BTBD8: variants seen among roughly 807,000 people sequenced by gnomAD.
BTBD8 encodes the protein BTB domain containing 8.
A neutral mutation model predicts 162.9 loss-of-function variants in BTBD8; 110 were observed. The ratio of observed to expected loss-of-function variants is 0.68; its 90% CI spans 0.58 to 0.79. The LOEUF (loss-of-function observed/expected upper bound fraction) is 0.79, where lower values mean the gene tolerates loss of function less well. Ranked by LOEUF, BTBD8 falls within the 30% of genes least tolerant of loss-of-function variation. The pLI is 0.00. For missense variants in BTBD8, 1,905 were observed against 2,085.4 expected, an observed-to-expected ratio of 0.91 and a Z score of 1.68; for synonymous variants, 667 against 716.1, an observed-to-expected ratio of 0.93 and a Z score of 1.10.
chr1:92,176,432 G>A (rs1222597419), intron 13 of BTBD8, among the ~76,000 whole-genome samples: 2 of 152,222 alleles, frequency 1.3e-5, no homozygotes, highest in Non-Finnish European at 2.9e-5. Context: ...GATTAAGTGG[G>A]ATGATGTATA....
At chr1:92,083,947 G>T (rs1648088798) in intron 1 of BTBD8, among the ~76,000 whole-genome samples, 2 of 152,168 alleles carry the variant, frequency 1.3e-5, no homozygotes, top group Non-Finnish European at 2.9e-5. Context: ...TTGCCTGAAA[G>T]GGAGGTGTAT....
intron 9 of BTBD8, among the ~76,000 whole-genome samples, chr1:92,153,255 C>A (rs1341496236): frequency 6.6e-6 from 1 of 152,042 alleles, no homozygotes; most frequent in African/African-American, 2.4e-5. Flanking sequence ...ATGACCATTT[C>A]TTCTTAATGT....
chr1:92,176,003 C>T (rs1266350942), intron 13 of BTBD8, among the ~76,000 whole-genome samples: 2 of 152,008 alleles, frequency 1.3e-5, no homozygotes, highest in African/African-American at 2.4e-5. Context: ...GATCCCTTTT[C>T]CTTCGCTTCC....
At chr1:92,160,016 A>T (rs1410426879) in intron 9 of BTBD8, among the ~76,000 whole-genome samples, 1 of 152,166 alleles carries the variant, frequency 6.6e-6, no homozygotes, top group South Asian at 2.1e-4. Context: ...TTGGAACTTT[A>T]GTAATGTGTA....
intron 4 of BTBD8, among the ~76,000 whole-genome samples, chr1:92,121,553 TC>T (rs1203270653): frequency 6.6e-6 from 1 of 152,222 alleles, no homozygotes; most frequent in Non-Finnish European, 1.5e-5. Context: ...TTGTTTTCAT[TC>T]TTTTTTTATA....
rs1332493022 is a variant in BTBD8 at position 92,168,881 on chromosome 1, A to AT, written c.1460dup (p.Gln488ProfsTer5). 1 of 1,532,692 alleles carries AT rather than the reference A, an allele frequency of 6.5e-7. No individual in the cohort carries two copies. Among genetic ancestry groups the AT allele is most frequent in the Non-Finnish European group, 8.8e-7 (1 of 1,132,730 alleles). The allele number at this position is 1,532,692 out of a possible 1,614,324, so 94.9% of individuals were successfully genotyped here. A position where few individuals can be genotyped will look rare whatever the true frequency, so the allele number is the denominator to read the frequency against. On this transcript the variant is annotated frameshift_variant, in exon 12 of 18. Coordinates refer to ENST00000636805, the MANE Select transcript of BTBD8 (RefSeq NM_001376131.1). LOFTEE classifies it high-confidence loss of function. The stretch of plus-strand genomic sequence containing the variant: ...TTGAACACAGGGTTTTACGTGCAAG[A>AT]TCCAGGCTCTGCGTGATAAGCTGTG...
In BTBD8 at chr1:92,140,253, C is replaced by G. The variant is rs905382872; in HGVS notation, c.833+823C>G. 3.9e-4 allele frequency among the ~76,000 whole-genome samples: 30 copies of G among 76,152 alleles called. 1 individual carries two copies. The East Asian group carries it at 0.024, about 61-fold the overall frequency. 50.0% of individuals were successfully genotyped at this position (76,152 alleles called of 152,430 possible). ...CCTGGGACTGTAGCGAGACCCGGTT[C>G]TTGGGGGAAAAAAAAACCAAAAAGA... On this transcript the variant is annotated intron_variant, in intron 6 of 17. Coordinates refer to ENST00000636805, the MANE Select transcript of BTBD8 (RefSeq NM_001376131.1).
chr1:92,107,726 T>A lies in BTBD8; in HGVS notation c.545-158T>A, dbSNP rs1648770949. Among the ~76,000 whole-genome samples the A allele has an allele frequency of 2.6e-5, 4 of 152,350 alleles. No homozygotes were observed. The South Asian group carries it at 8.3e-4, about 32-fold the overall frequency. On this transcript the variant is annotated intron_variant, in intron 3 of 17. Coordinates refer to ENST00000636805, the MANE Select transcript of BTBD8 (RefSeq NM_001376131.1). The stretch of plus-strand genomic sequence containing the variant: ...TATATATATTTCAAAGGAGAAAGTC[T>A]AGATGATTTAAACTTTTTGTTTTAT...
chr1:92,153,650 T>C (rs1650095698), intron 9 of BTBD8, among the ~76,000 whole-genome samples: 1 of 152,236 alleles, frequency 6.6e-6, no homozygotes, highest in Admixed American at 6.5e-5. Context: ...GATAATGTCC[T>C]CAACATTCAT....
intron 4 of BTBD8, among the ~76,000 whole-genome samples, chr1:92,122,710 G>A (rs369443184): frequency 6.6e-6 from 1 of 151,798 alleles, no homozygotes; most frequent in Admixed American, 6.6e-5. Context: ...GGTTACAGGC[G>A]TGTGCCACCA....
In BTBD8 at chr1:92,181,052, T is replaced by C. The variant is rs1415021100; in HGVS notation, c.3369T>C (p.Asp1123=). The C allele has an allele frequency of 2.6e-6, 4 of 1,551,660 alleles. No homozygotes were observed. The highest frequency in any genetic ancestry group is 2.0e-5 in the Admixed American group (1 of 50,988). Residue 1123 remains aspartate, a synonymous_variant, in exon 17 of 18, where the codon GAT becomes GAC. Coordinates refer to ENST00000636805, the MANE Select transcript of BTBD8 (RefSeq NM_001376131.1). ...CAGGGCAAATCCATTTGATATCAGA[T>C]AGGGAGAACCAAGTAGGGAGAAAAG... is the stretch of plus-strand genomic sequence containing the variant. ...TSAGQIHLIS[D]RENQVGRKDT...
intron 13 of BTBD8, among the ~76,000 whole-genome samples, chr1:92,176,588 A>C (rs1053371398): frequency 6.6e-6 from 1 of 152,164 alleles, no homozygotes; most frequent in African/African-American, 2.4e-5. Context: ...TTATTTATTT[A>C]CTTTAATAGA....
chr1:92,126,439 G>A, intron 4 of BTBD8: 1 of 914,440 alleles, frequency 1.1e-6, no homozygotes, highest in Non-Finnish European at 1.7e-6. Flanking sequence ...ACATCCAGCA[G>A]TACAACAGTT....
At chr1:92,085,241 G>A (rs183150110) in intron 1 of BTBD8, among the ~76,000 whole-genome samples, 10 of 152,194 alleles carry the variant, frequency 6.6e-5, no homozygotes, top group Admixed American at 5.9e-4. Context: ...AGTGTAAATT[G>A]CTTTAGATAA....
chr1:92,151,690 A>G (rs1159394439), intron 9 of BTBD8, among the ~76,000 whole-genome samples: 1 of 152,074 alleles, frequency 6.6e-6, no homozygotes, highest in Non-Finnish European at 1.5e-5. Flanking sequence ...TATCCTTCAC[A>G]CATTTTCCAA....
Position 92,181,787 on chromosome 1 carries a change from T to G in BTBD8, c.4104T>G (p.Ser1368Arg). 6.4e-7 allele frequency: 1 copy of G among 1,551,236 alleles called. No individual in the cohort carries two copies. The highest frequency in any genetic ancestry group is 8.7e-7 in the Non-Finnish European group (1 of 1,146,932). The change falls in exon 17 of 18, where the codon AGT becomes AGG. Residue 1368 changes from serine (S) to arginine (R), a missense_variant. Coordinates refer to ENST00000636805, the MANE Select transcript of BTBD8 (RefSeq NM_001376131.1). ...AAAGAGAAAATATTCCACGAGGCAG[T>G]GTCCAGTTTGCTCAGGAAATAGATC... The part of the protein sequence containing the change: ...SRERENIPRG[S>R]VQFAQEIDQV...
chr1:92,098,218 A>G (rs1324364555), intron 2 of BTBD8, among the ~76,000 whole-genome samples: 2 of 152,192 alleles, frequency 1.3e-5, no homozygotes, highest in African/African-American at 4.8e-5. Context: ...GATATCAGCC[A>G]AGGGCCAAGT....
intron 9 of BTBD8, among the ~76,000 whole-genome samples, chr1:92,157,235 C>G (rs1193320225): frequency 6.6e-6 from 1 of 152,014 alleles, no homozygotes; most frequent in Non-Finnish European, 1.5e-5. Flanking sequence ...TTCTAGTCTT[C>G]TGTTGATTTC....
At chr1:92,086,473 A>G (rs1024731382) in intron 1 of BTBD8, among the ~76,000 whole-genome samples, 1 of 152,080 alleles carries the variant, frequency 6.6e-6, no homozygotes, top group Non-Finnish European at 1.5e-5. Flanking sequence ...TCTACAAAAG[A>G]TACAAAAATT....
Sources: allele counts gnomAD v4.1 joint callset (sites outside exome capture counted in the v4.1 genomes callset), GRCh38; gene constraint gnomAD v4.1.1; transcripts MANE v1.5; gene names NCBI Gene and HGNC (gene_info 2026-07-23, HGNC 2026-07-21).